TSGA10: variants seen among roughly 807,000 people sequenced by gnomAD.
TSGA10 encodes testis-specific gene 10 protein.
Under a neutral mutation model 96.6 loss-of-function variants are expected in TSGA10, and 43 were observed. The ratio of observed to expected loss-of-function variants is 0.44; its 90% CI spans 0.35 to 0.57. TSGA10 has a LOEUF of 0.57. TSGA10 is among the 20% of genes least tolerant of loss of function. TSGA10 has a pLI of 0.01. For synonymous variants in TSGA10, 229 were observed against 269.9 expected (o/e 0.85, Z 1.48); for missense variants, 703 against 834.4 (o/e 0.84, Z 1.94).
chr2:99,102,434 G>A, intron 10 of TSGA10: 2 of 1,613,934 alleles, frequency 1.2e-6, no homozygotes, highest in Non-Finnish European at 1.7e-6. Flanking sequence ...TGAGAGAAAT[G>A]CAACAGCTTT....
At chr2:99,000,727 G>A (rs151278613) in intron 20 of TSGA10, among the ~76,000 whole-genome samples, 8,222 of 152,180 alleles carry the variant, frequency 0.054, 421 homozygotes, top group East Asian at 0.21. Flanking sequence ...GAAGCGCAAG[G>A]GGTCGGGGAA....
intron 1 of TSGA10, chr2:99,142,244 C>T (rs2093574547): frequency 6.6e-6 from 1 of 152,204 alleles, no homozygotes; most frequent in Admixed American, 6.5e-5. Context: ...AACTCAAGAG[C>T]TTCTGGATGA....
At chr2:99,053,146 T>A (rs1017486969) in intron 16 of TSGA10, among the ~76,000 whole-genome samples, 1 of 152,040 alleles carries the variant, frequency 6.6e-6, no homozygotes, top group Non-Finnish European at 1.5e-5. Context: ...CAAGACCAGA[T>A]GGCTTCATGG....
rs1243313991 is a variant in TSGA10, at chr2:99,065,160, T to C, written c.1219-36A>G. The C allele has an allele frequency of 1.9e-6, 3 of 1,586,142 alleles. No homozygotes were observed. In the Admixed American group the frequency reaches 5.5e-5, roughly 29 times the overall value. On this transcript the variant is annotated intron_variant, in intron 15 of 20. Coordinates refer to ENST00000393483, the MANE Select transcript of TSGA10 (RefSeq NM_025244.4). Reference sequence around the variant, plus strand: ...AACTTTAGCTATTACTTTAAAATGCTGAACATATGATAAAAATTAAACATT... The same window carrying C: ...AACTTTAGCTATTACTTTAAAATGCCGAACATATGATAAAAATTAAACATT...
At chr2:99,140,669 T>G (rs2093501720) in intron 1 of TSGA10, among the ~76,000 whole-genome samples, 1 of 152,078 alleles carries the variant, frequency 6.6e-6, no homozygotes, top group African/African-American at 2.4e-5. Flanking sequence ...AATCTCAGCC[T>G]TTCACCACCC....
intron 16 of TSGA10, among the ~76,000 whole-genome samples, chr2:99,059,779 T>C (rs531020426): frequency 1.3e-5 from 2 of 151,908 alleles, no homozygotes; most frequent in African/African-American, 4.8e-5. Context: ...CCAGGCATGG[T>C]GGCACGCTCC....
intron 16 of TSGA10, among the ~76,000 whole-genome samples, chr2:99,044,209 C>A (rs149495496): frequency 2.6e-5 from 4 of 152,046 alleles, no homozygotes; most frequent in Admixed American, 6.6e-5. Context: ...GGGCTAAATG[C>A]CCCAATTAAA....
intron 5 of TSGA10, among the ~76,000 whole-genome samples, 157 bp downstream of exon 5, chr2:99,110,691 TGG>T (rs1449715711): frequency 6.6e-6 from 1 of 151,792 alleles, no homozygotes; most frequent in Non-Finnish European, 1.5e-5. Flanking sequence ...CTCTTACAGA[TGG>T]GGGTTCCCCT....
chr2:99,028,334 T>C (rs1046974748), intron 17 of TSGA10, among the ~76,000 whole-genome samples: 1 of 152,194 alleles, frequency 6.6e-6, no homozygotes, highest in African/African-American at 2.4e-5. Flanking sequence ...TGAGGTACGA[T>C]TGACAAATAA....
chr2:99,139,202 G>A (rs946218320), intron 1 of TSGA10, among the ~76,000 whole-genome samples: 2 of 152,130 alleles, frequency 1.3e-5, no homozygotes, highest in South Asian at 2.1e-4. Flanking sequence ...GGTCAAGGCT[G>A]CAATGAGTCA....
chr2:99,076,097 A>G (rs758763183), intron 12 of TSGA10, among the ~76,000 whole-genome samples: 1 of 152,148 alleles, frequency 6.6e-6, no homozygotes, highest in Non-Finnish European at 1.5e-5. Flanking sequence ...AAATATTTCA[A>G]TATTTCACCT....
chr2:99,123,244 C>G (rs1329324889), intron 2 of TSGA10, among the ~76,000 whole-genome samples: 2 of 151,978 alleles, frequency 1.3e-5, no homozygotes, highest in Non-Finnish European at 2.9e-5. Flanking sequence ...ATTCCATCAC[C>G]TTCTTTCATC....
chr2:99,021,633 T>A (rs2080011794), intron 17 of TSGA10, among the ~76,000 whole-genome samples: 1 of 152,220 alleles, frequency 6.6e-6, no homozygotes, highest in African/African-American at 2.4e-5. Context: ...GGGGCAGCAC[T>A]ATGCATTACA....
intron 16 of TSGA10, among the ~76,000 whole-genome samples, chr2:99,044,665 G>A (rs1273806381): frequency 2.6e-5 from 4 of 152,098 alleles, no homozygotes; most frequent in Admixed American, 6.6e-5. Flanking sequence ...CTTGAACTCA[G>A]CTCTGGACCA....
At chr2:99,144,925 C>CA (rs2093617207) in intron 1 of TSGA10, among the ~76,000 whole-genome samples, 1 of 152,140 alleles carries the variant, frequency 6.6e-6, no homozygotes, top group Non-Finnish European at 1.5e-5. Flanking sequence ...GGCAAAGAGA[C>CA]AGGAGAGAGT....
chr2:99,074,351 C>CGT (rs147220063), intron 12 of TSGA10, among the ~76,000 whole-genome samples: 2,687 of 145,092 alleles, frequency 0.019, 43 homozygotes, highest in East Asian at 0.066. Flanking sequence ...CACATATTTG[C>CGT]GTGTGTGTGT....
chr2:99,146,733 A>G (rs1197105962), intron 1 of TSGA10, among the ~76,000 whole-genome samples: 1 of 152,110 alleles, frequency 6.6e-6, no homozygotes, highest in African/African-American at 2.4e-5. Flanking sequence ...GGTTCAAGCG[A>G]TTCTCCTGCC....
At chr2:99,046,268 A>G (rs1279629114) in intron 16 of TSGA10, among the ~76,000 whole-genome samples, 3 of 152,220 alleles carry the variant, frequency 2.0e-5, no homozygotes, top group Admixed American at 2.0e-4. Context: ...AACAGAATAT[A>G]CATTCTTCTC....
chr2:99,004,033 A>C (rs1476227414), intron 20 of TSGA10, among the ~76,000 whole-genome samples: 1 of 152,174 alleles, frequency 6.6e-6, no homozygotes, highest in African/African-American at 2.4e-5. Context: ...AAGATCAACA[A>C]AATTGACACA....
Sources: allele counts gnomAD v4.1 joint callset (sites outside exome capture counted in the v4.1 genomes callset), GRCh38; gene constraint gnomAD v4.1.1; transcripts MANE v1.5; gene names NCBI Gene and HGNC (gene_info 2026-07-23, HGNC 2026-07-21).